Variants in ABTB3 observed in about 807,000 individuals in gnomAD.
The protein encoded by ABTB3 is ankyrin repeat and BTB domain containing 3.
the ABTB3 span, among the ~76,000 whole-genome samples, chr12:107,593,416 A>G: frequency 6.6e-6 from 1 of 152,188 alleles, no homozygotes; most frequent in South Asian, 2.1e-4. Context: ...AATTTGCCCT[A>G]ACACTTGGGA....
chr12:107,390,107 G>C, the ABTB3 span, among the ~76,000 whole-genome samples: 2 of 152,056 alleles, frequency 1.3e-5, no homozygotes, highest in Non-Finnish European at 2.9e-5. Context: ...ACTAAACAAG[G>C]GCATGGCACT....
chr12:107,322,832 G>A, the ABTB3 span, among the ~76,000 whole-genome samples: 1 of 150,732 alleles, frequency 6.6e-6, no homozygotes, highest in Admixed American at 6.6e-5. Context: ...TGACTCTTTA[G>A]TGACAGATGA....
the ABTB3 span, among the ~76,000 whole-genome samples, chr12:107,470,010 T>TCTCTC: frequency 1.8e-5 from 1 of 57,124 alleles, no homozygotes; most frequent in African/African-American, 8.0e-5. Flanking sequence ...CTTTCTTTCT[T>TCTCTC]TCTCTCTCTC....
the ABTB3 span, chr12:107,651,896 T>C: frequency 1.1e-6 from 1 of 895,114 alleles, no homozygotes; most frequent in Non-Finnish European, 1.8e-6. Flanking sequence ...GGGCCAGTTC[T>C]CTCAGGGCTA....
the ABTB3 span, among the ~76,000 whole-genome samples, chr12:107,453,527 A>G: frequency 6.6e-6 from 1 of 152,184 alleles, no homozygotes. Context: ...CCAGACAACA[A>G]ATCTGCTGGT....
the ABTB3 span, among the ~76,000 whole-genome samples, chr12:107,328,299 C>A: frequency 6.6e-6 from 1 of 152,212 alleles, no homozygotes; most frequent in African/African-American, 2.4e-5. Flanking sequence ...ATTTGGCAGA[C>A]TGCCTTATAG....
At chr12:107,434,423 T>A in the ABTB3 span, among the ~76,000 whole-genome samples, 10 of 152,372 alleles carry the variant, frequency 6.6e-5, no homozygotes, top group Admixed American at 6.5e-4. Flanking sequence ...CCTTTCTCTG[T>A]GAGCCCTTGA....
chr12:107,327,207 T>C, the ABTB3 span, among the ~76,000 whole-genome samples: 6 of 152,222 alleles, frequency 3.9e-5, no homozygotes, highest in Admixed American at 2.6e-4. Context: ...CTATGATGTC[T>C]AATATGCCAG....
the ABTB3 span, among the ~76,000 whole-genome samples, chr12:107,632,124 G>T: frequency 6.6e-6 from 1 of 152,238 alleles, no homozygotes; most frequent in African/African-American, 2.4e-5. Flanking sequence ...GAGGGGTCTT[G>T]CCTTGCCTGC....
At chr12:107,387,543 AC>A in the ABTB3 span, among the ~76,000 whole-genome samples, 4 of 152,176 alleles carry the variant, frequency 2.6e-5, no homozygotes, top group Admixed American at 6.5e-5. Flanking sequence ...TAAACAAATC[AC>A]CAGATGTAAT....
the ABTB3 span, among the ~76,000 whole-genome samples, chr12:107,644,755 G>A: frequency 3.3e-5 from 5 of 152,036 alleles, no homozygotes; most frequent in Non-Finnish European, 7.3e-5. Context: ...GCAGGCCCTG[G>A]TGGCTATTGT....
chr12:107,492,234 C>T, the ABTB3 span, among the ~76,000 whole-genome samples: 3 of 152,158 alleles, frequency 2.0e-5, no homozygotes, highest in African/African-American at 7.2e-5. Flanking sequence ...CCACCCGGTC[C>T]CGGGCCTGTC....
the ABTB3 span, among the ~76,000 whole-genome samples, chr12:107,555,072 ACT>A: frequency 3.3e-5 from 5 of 152,048 alleles, no homozygotes; most frequent in Non-Finnish European, 5.9e-5. Flanking sequence ...AGCCTGCAGA[ACT>A]CTCAGGCTTT....
the ABTB3 span, among the ~76,000 whole-genome samples, chr12:107,349,381 G>C: frequency 2.0e-5 from 3 of 152,184 alleles, no homozygotes; most frequent in Non-Finnish European, 2.9e-5. Context: ...GATTCCAGAC[G>C]GGGAATGATG....
chr12:107,510,583 C>G, the ABTB3 span, among the ~76,000 whole-genome samples: 1 of 151,932 alleles, frequency 6.6e-6, no homozygotes, highest in African/African-American at 2.4e-5. Context: ...GATGGGAGAG[C>G]GATGCAGGGT....
the ABTB3 span, among the ~76,000 whole-genome samples, chr12:107,472,712 G>A: frequency 6.6e-6 from 1 of 152,228 alleles, no homozygotes; most frequent in African/African-American, 2.4e-5. Flanking sequence ...AACATCCGCC[G>A]TTCGGTTCCC....
At chr12:107,347,145 T>A in the ABTB3 span, among the ~76,000 whole-genome samples, 1 of 152,210 alleles carries the variant, frequency 6.6e-6, no homozygotes, top group Non-Finnish European at 1.5e-5. Context: ...TGATTACATT[T>A]TGACTGTATT....
the ABTB3 span, among the ~76,000 whole-genome samples, chr12:107,431,862 T>C: frequency 6.6e-6 from 1 of 152,158 alleles, no homozygotes; most frequent in Non-Finnish European, 1.5e-5. Flanking sequence ...TTCTTCCTTG[T>C]CTGTAAGGAA....
the ABTB3 span, among the ~76,000 whole-genome samples, chr12:107,328,857 G>T: frequency 6.6e-6 from 1 of 152,182 alleles, no homozygotes. Flanking sequence ...GGGCGTGTGG[G>T]GTAGAGGGCG....
Sources: allele counts gnomAD v4.1 joint callset (sites outside exome capture counted in the v4.1 genomes callset), GRCh38; gene constraint gnomAD v4.1.1; transcripts MANE v1.5; gene names NCBI Gene and HGNC (gene_info 2026-07-23, HGNC 2026-07-21).